ZNF570: variants seen among roughly 807,000 people sequenced by gnomAD.
The protein encoded by ZNF570 is zinc finger protein 570.
A neutral mutation model predicts 14.2 loss-of-function variants in ZNF570; 8 were observed. That is an observed-to-expected ratio of 0.56 (90% CI 0.33 to 1.02). ZNF570 has a LOEUF of 1.02. Among genes scored for constraint, ZNF570 ranks in the 50% least tolerant of loss-of-function variants. The pLI, the probability that ZNF570 is intolerant of heterozygous loss-of-function variation, is 0.03. For missense variants in ZNF570, 559 were observed against 624.9 expected (o/e 0.89, Z 1.12); for synonymous variants, 202 against 207.6 (o/e 0.97, Z 0.23).
At chr19:37,470,982 G>A (rs919714684) in intron 2 of ZNF570, among the ~76,000 whole-genome samples, 1 of 144,304 alleles carries the variant, frequency 6.9e-6, no homozygotes, top group Admixed American at 7.0e-5. Context: ...TTACAGGCGT[G>A]AGCTACCATG....
At position 37,487,449 on chromosome 19, in the gene ZNF570, A is replaced by G. The variant is rs2042168307; in HGVS notation, c.*2216A>G. The G allele has an allele frequency of 6.6e-6, 1 of 152,174 alleles. No homozygotes were observed. Among genetic ancestry groups the G allele is most frequent in the African/African-American group, 2.4e-5 (1 of 41,440 alleles). 9.4% of individuals were successfully genotyped at this position (152,174 alleles called of 1,614,324 possible). A position where few individuals can be genotyped will look rare whatever the true frequency, so the allele number is the denominator to read the frequency against. On this transcript the variant is annotated 3_prime_UTR_variant, in exon 5 of 5. Coordinates refer to ENST00000330173, the MANE Select transcript of ZNF570 (RefSeq NM_144694.5). Reference sequence around the variant, plus strand: ...ATTACTGTTTGTCAGACACTGTTTTAGGTATGAGGAAATGACAGTGAGCAA... The same window carrying G: ...ATTACTGTTTGTCAGACACTGTTTTGGGTATGAGGAAATGACAGTGAGCAA...
rs747775696 is a variant in ZNF570, at chr19:37,485,078, G to C, written c.1456G>C (p.Ala486Pro). Residue 486 changes from alanine (A) to proline (P), a missense_variant, in exon 5 of 5, where the codon GCC (alanine) becomes CCC (proline). Ala to Pro is a conservative substitution (Grantham distance 27, BLOSUM62 -1). Transcript: ENST00000330173. Reference protein sequence around the residue: ...GKAFSYCGSLAQHQRIHTGER... With the variant: ...GKAFSYCGSLPQHQRIHTGER... Reference sequence around the variant, plus strand: ...GGCTTTTAGTTACTGTGGATCCCTTGCCCAACATCAGAGAATTCATACTGG... The same window carrying C: ...GGCTTTTAGTTACTGTGGATCCCTTCCCCAACATCAGAGAATTCATACTGG... 6 of 1,612,696 alleles carry C rather than the reference G, an allele frequency of 3.7e-6. No individual in the cohort carries two copies. In the South Asian group the frequency reaches 6.6e-5, roughly 18 times the overall value.
chr19:37,475,127 C>T (rs2042009435), intron 2 of ZNF570, among the ~76,000 whole-genome samples: 1 of 151,884 alleles, frequency 6.6e-6, no homozygotes, highest in Non-Finnish European at 1.5e-5. Flanking sequence ...CCACACCTGG[C>T]TAATTTTTGT....
rs2042135784 is a variant in ZNF570, at chr19:37,484,923, G to A, written c.1301G>A (p.Arg434Lys). ...SQIAYLAQHQ[R>K]VHTGEKPYEC... ...ATTGCCTACCTTGCTCAGCATCAAA[G>A]AGTTCATACTGGAGAGAAACCCTAT... Residue 434 changes from arginine to lysine, a missense_variant, in exon 5 of 5, where the codon AGA (arginine) becomes AAA (lysine). Physicochemically the swap from Arg to Lys is conservative, Grantham distance 26. Transcript: ENST00000330173. 1 of 1,614,118 alleles carries A rather than the reference G, an allele frequency of 6.2e-7. No individual in the cohort carries two copies. Among genetic ancestry groups the A allele is most frequent in the Admixed American group, 1.7e-5 (1 of 60,014 alleles).
intron 2 of ZNF570, among the ~76,000 whole-genome samples, chr19:37,475,458 T>C (rs1339201588): frequency 1.3e-5 from 2 of 152,190 alleles, no homozygotes; most frequent in African/African-American, 4.8e-5. Flanking sequence ...TTTGATCCCT[T>C]TCTAGCTTCT....
At position 37,475,914 on chromosome 19, in the gene ZNF570, T is replaced by C. The variant is rs768215999; in HGVS notation, c.67T>C (p.Phe23Leu). ...GACCTTCAGAGATGTGGCTGTAGACTTCTCCCAAGAGGAATGGGATTGTCT... is the reference window on the plus strand; with the variant it reads ...GACCTTCAGAGATGTGGCTGTAGACCTCTCCCAAGAGGAATGGGATTGTCT... Reference protein sequence around the residue: ...LVTFRDVAVDFSQEEWDCLDS... With the variant: ...LVTFRDVAVDLSQEEWDCLDS... Residue 23 changes from phenylalanine to leucine, a missense_variant, in exon 3 of 5, where the codon TTC becomes CTC. Coordinates refer to ENST00000330173, the MANE Select transcript of ZNF570 (RefSeq NM_144694.5). 8.1e-6 allele frequency: 13 copies of C among 1,613,760 alleles called. No individual in the cohort carries two copies. The highest frequency in any genetic ancestry group is 1.1e-5 in the Non-Finnish European group (13 of 1,179,904).
At chr19:37,471,947 C>T (rs2147003153) in intron 2 of ZNF570, among the ~76,000 whole-genome samples, 1 of 145,936 alleles carries the variant, frequency 6.9e-6, no homozygotes, top group South Asian at 2.2e-4. Flanking sequence ...TGGAGTCTCA[C>T]TCTGTCACCC....
At chr19:37,473,948 G>C (rs1342510715) in intron 2 of ZNF570, among the ~76,000 whole-genome samples, 1 of 152,134 alleles carries the variant, frequency 6.6e-6, no homozygotes, top group African/African-American at 2.4e-5. Flanking sequence ...TAGGGAGGAG[G>C]AAATGGTTTG....
intron 1 of ZNF570, 93 bp downstream of exon 1, chr19:37,469,650 G>A: frequency 1.5e-6 from 2 of 1,305,820 alleles, no homozygotes. Flanking sequence ...CGTGGAATGT[G>A]AGGCTGTGAG....
chr19:37,470,450 ATT>A, intron 2 of ZNF570, 63 bp downstream of exon 2: 3 of 1,523,534 alleles, frequency 2.0e-6, no homozygotes, highest in Non-Finnish European at 2.7e-6. Flanking sequence ...GCAGGTACTA[ATT>A]TTCCTTCTGC....
Position 37,470,403 on chromosome 19 carries a change from C to T in ZNF570, c.33+16C>T. 1 of 1,611,534 alleles carries T rather than the reference C, an allele frequency of 6.2e-7. No homozygotes were observed. The highest frequency in any genetic ancestry group is 8.5e-7 in the Non-Finnish European group (1 of 1,178,234). On this transcript the variant is annotated intron_variant, in intron 2 of 4. Coordinates refer to ENST00000330173, the MANE Select transcript of ZNF570 (RefSeq NM_144694.5). ...CATGTACCAGGTGTGTTGGTGTTTT[C>T]TCGATTTCCTGAATACCTGTCTGCT...
At chr19:37,474,143 T>C (rs2041999052) in intron 2 of ZNF570, among the ~76,000 whole-genome samples, 1 of 152,198 alleles carries the variant, frequency 6.6e-6, no homozygotes, top group Non-Finnish European at 1.5e-5. Context: ...TTCAGACTGG[T>C]TTAATGATAA....
intron 4 of ZNF570, among the ~76,000 whole-genome samples, chr19:37,478,027 C>T (rs2042046841): frequency 6.6e-6 from 1 of 152,102 alleles, no homozygotes; most frequent in Non-Finnish European, 1.5e-5. Context: ...ATCTCTACAG[C>T]TTGTTTAAAT....
chr19:37,468,470 C>T (rs10420754), upstream of ZNF570, among the ~76,000 whole-genome samples: 3 of 151,858 alleles, frequency 2.0e-5, no homozygotes, highest in Non-Finnish European at 4.4e-5. Context: ...GGGCAAAGCG[C>T]ACGGATCATT....
chr19:37,472,776 G>T (rs1052710410), intron 2 of ZNF570, among the ~76,000 whole-genome samples: 4 of 151,892 alleles, frequency 2.6e-5, no homozygotes, highest in Non-Finnish European at 4.4e-5. Flanking sequence ...AAAGAAATGG[G>T]TGGTAACTGA....
Position 37,476,426 on chromosome 19 carries a change from TGTGCTCA to T in ZNF570, c.250_256del (p.Cys84AlafsTer11). On this transcript the variant is annotated frameshift_variant and splice_region_variant, in exon 4 of 5. Coordinates refer to ENST00000330173, the MANE Select transcript of ZNF570 (RefSeq NM_144694.5). LOFTEE classifies it low-confidence loss of function (END_TRUNC). ...GTGAAGAGAGAGCTGACAAAAGGCT[TGTGCTCA>T]GGTTAGTGAAGAGGAAATTGGCAAA... 6.2e-7 allele frequency: 1 copy of T among 1,613,906 alleles called. No homozygotes were observed.
intron 4 of ZNF570, among the ~76,000 whole-genome samples, chr19:37,479,857 C>T (rs956907932): frequency 6.6e-6 from 1 of 152,062 alleles, no homozygotes; most frequent in African/African-American, 2.4e-5. Flanking sequence ...CCTTTATTCT[C>T]CGGCTTGCTG....
intron 4 of ZNF570, 25 bp from the exon 5 acceptor site, chr19:37,483,854 A>AT (rs1385325975): frequency 6.4e-7 from 1 of 1,559,324 alleles, no homozygotes; most frequent in African/African-American, 1.4e-5. Context: ...TAGAGGAGAC[A>AT]TTTTTTCTTA....
chr19:37,470,719 TGAGA>T, intron 2 of ZNF570, among the ~76,000 whole-genome samples: 1 of 147,182 alleles, frequency 6.8e-6, no homozygotes. Context: ...TTTTTTTTTT[TGAGA>T]CAGAGTCTCA....
Sources: gnomAD v4.1 joint callset for allele counts (sites outside exome capture counted in the v4.1 genomes callset) on GRCh38, gnomAD v4.1.1 for gene constraint, MANE v1.5 for transcripts, NCBI Gene and HGNC (gene_info 2026-07-23, HGNC 2026-07-21) for gene names.